Variants in TASP1 observed in about 807,000 individuals in gnomAD.
The protein encoded by TASP1 is taspase 1, also known as threonine aspartase 1.
Under a neutral mutation model 56.6 loss-of-function variants are expected in TASP1, and 16 were observed. The observed-to-expected ratio is 0.28, with a 90% CI of 0.19 to 0.43. The LOEUF (loss-of-function observed/expected upper bound fraction) is 0.43, where lower values mean the gene tolerates loss of function less well. Among genes scored for constraint, TASP1 ranks in the 20% least tolerant of loss-of-function variants. TASP1 has a pLI of 1.00. For missense variants in TASP1, 393 were observed against 511.6 expected (o/e 0.77, Z 2.24); for synonymous variants, 179 against 184.2 (o/e 0.97, Z 0.23).
chr20:13,153,594 AG>A, the TASP1 span, among the ~76,000 whole-genome samples: 14 of 152,180 alleles, frequency 9.2e-5, no homozygotes, highest in Non-Finnish European at 1.6e-4. Flanking sequence ...TTAGCTAAAA[AG>A]CATCTACCAA....
Position 13,511,701 on chromosome 20 carries a change from A to C in TASP1, c.874+16732T>G, listed in dbSNP as rs549891670. 1.3e-3 allele frequency among the ~76,000 whole-genome samples: 194 copies of C among 151,432 alleles called. 1 individual carries two copies. The highest frequency in any genetic ancestry group is 4.5e-3 in the African/African-American group (186 of 41,236). On this transcript the variant is annotated intron_variant, in intron 10 of 13. Transcript: ENST00000337743. ...GTGCCATGTTGGTGTGCTGCACCCC[A>C]CCCATTAACTTGTCATTTAACATTA...
At chr20:13,333,681 A>C in the TASP1 span, among the ~76,000 whole-genome samples, 3 of 152,242 alleles carry the variant, frequency 2.0e-5, no homozygotes, top group Non-Finnish European at 4.4e-5. Flanking sequence ...TGTTCTATCA[A>C]CAAAAAAGTA....
At chr20:13,249,411 G>A in the TASP1 span, among the ~76,000 whole-genome samples, 1 of 152,140 alleles carries the variant, frequency 6.6e-6, no homozygotes, top group African/African-American at 2.4e-5. Flanking sequence ...GAACCCTTCC[G>A]TGCCCCAGGT....
At chr20:13,463,588 AT>A (rs1273742612) in intron 11 of TASP1, among the ~76,000 whole-genome samples, 1 of 152,188 alleles carries the variant, frequency 6.6e-6, no homozygotes, top group Non-Finnish European at 1.5e-5. Context: ...ATAACAGAAA[AT>A]ATCTGTAAAT....
At chr20:13,509,780 T>A (rs544892317) in intron 10 of TASP1, among the ~76,000 whole-genome samples, 1 of 152,016 alleles carries the variant, frequency 6.6e-6, no homozygotes, top group Non-Finnish European at 1.5e-5. Flanking sequence ...GCGCGCACCA[T>A]CACGCCCGGC....
At chr20:13,369,605 T>C in the TASP1 span, among the ~76,000 whole-genome samples, 1 of 152,216 alleles carries the variant, frequency 6.6e-6, no homozygotes, top group Non-Finnish European at 1.5e-5. Flanking sequence ...CAACTCTCAG[T>C]AATTTTTCAT....
At chr20:13,496,155 G>A (rs988569181) in intron 10 of TASP1, among the ~76,000 whole-genome samples, 4 of 152,088 alleles carry the variant, frequency 2.6e-5, no homozygotes, top group Admixed American at 1.3e-4. Flanking sequence ...CCGGGTTCAA[G>A]CCATTCTCCT....
intron 10 of TASP1, among the ~76,000 whole-genome samples, chr20:13,510,289 CA>C (rs1438438807): frequency 1.3e-5 from 2 of 152,092 alleles, no homozygotes; most frequent in Non-Finnish European, 2.9e-5. Context: ...ACTAATTTTG[CA>C]AATGATACTT....
intron 5 of TASP1, among the ~76,000 whole-genome samples, chr20:13,581,295 TAG>T (rs766666231): frequency 2.0e-5 from 3 of 152,240 alleles, no homozygotes; most frequent in African/African-American, 4.8e-5. Flanking sequence ...GATTTCAGAA[TAG>T]AGTTTTTAAA....
At chr20:13,514,342 A>C (rs1393663678) in intron 10 of TASP1, among the ~76,000 whole-genome samples, 1 of 152,166 alleles carries the variant, frequency 6.6e-6, no homozygotes, top group Non-Finnish European at 1.5e-5. Context: ...ATGGAGAAAC[A>C]AGAACTCCTC....
chr20:13,382,982 G>T, the TASP1 span, among the ~76,000 whole-genome samples: 1 of 152,198 alleles, frequency 6.6e-6, no homozygotes, highest in African/African-American at 2.4e-5. Context: ...TGAGGGAAGA[G>T]CAAGCCATGT....
intron 10 of TASP1, among the ~76,000 whole-genome samples, chr20:13,505,246 CCAT>C (rs1316821721): frequency 6.6e-6 from 1 of 151,930 alleles, no homozygotes; most frequent in Non-Finnish European, 1.5e-5. Context: ...ACATATGTAC[CCAT>C]CATCAGAATA....
chr20:13,405,607 C>T (rs979963236), intron 13 of TASP1, among the ~76,000 whole-genome samples: 1 of 152,004 alleles, frequency 6.6e-6, no homozygotes, highest in Non-Finnish European at 1.5e-5. Context: ...GGTGCAGTGG[C>T]GTGATCTCGG....
chr20:13,284,780 A>G, the TASP1 span, among the ~76,000 whole-genome samples: 1 of 152,210 alleles, frequency 6.6e-6, no homozygotes, highest in East Asian at 1.9e-4. Context: ...AATTAGCCAC[A>G]TGGCGAGTTC....
chr20:13,213,612 G>T, the TASP1 span, among the ~76,000 whole-genome samples: 1 of 152,304 alleles, frequency 6.6e-6, no homozygotes, highest in East Asian at 1.9e-4. Context: ...CAGGAAATTA[G>T]ATGAACTCAT....
intron 4 of TASP1, among the ~76,000 whole-genome samples, chr20:13,594,326 G>A (rs1348021834): frequency 6.6e-6 from 1 of 152,190 alleles, no homozygotes; most frequent in Non-Finnish European, 1.5e-5. Context: ...CTTCTCCAAA[G>A]GATCACAGCT....
the TASP1 span, among the ~76,000 whole-genome samples, chr20:13,353,249 A>C: frequency 1.5e-5 from 1 of 66,510 alleles, no homozygotes; most frequent in Non-Finnish European, 2.5e-5. Context: ...TTTTGTCTCA[A>C]AAAAAAAAAA....
intron 13 of TASP1, among the ~76,000 whole-genome samples, chr20:13,399,150 C>T (rs1231819027): frequency 6.6e-6 from 1 of 152,200 alleles, no homozygotes; most frequent in Non-Finnish European, 1.5e-5. Flanking sequence ...TGGTTCTCCT[C>T]TGACCTCTAT....
At chr20:13,486,627 T>C (rs2043326738) in intron 10 of TASP1, among the ~76,000 whole-genome samples, 1 of 151,978 alleles carries the variant, frequency 6.6e-6, no homozygotes, top group Non-Finnish European at 1.5e-5. Flanking sequence ...AGATAATAAA[T>C]GAAAAAGAAA....
Sources: gnomAD v4.1 joint callset for allele counts (sites outside exome capture counted in the v4.1 genomes callset) on GRCh38, gnomAD v4.1.1 for gene constraint, MANE v1.5 for transcripts, NCBI Gene and HGNC (gene_info 2026-07-23, HGNC 2026-07-21) for gene names.